PELI2: variants seen among roughly 807,000 people sequenced by gnomAD.
PELI2 encodes the protein pellino E3 ubiquitin protein ligase family member 2.
Under a neutral mutation model 42.3 loss-of-function variants are expected in PELI2, and 23 were observed. That is an observed-to-expected ratio of 0.54 (90% CI 0.39 to 0.77). The LOEUF (loss-of-function observed/expected upper bound fraction) is 0.77. Among genes scored for constraint, PELI2 ranks in the 30% least tolerant of loss-of-function variants. The probability of loss-of-function intolerance (pLI) is 0.00; values close to 1 mark genes in which losing one functional copy is unlikely to be tolerated. For missense variants in PELI2, 463 were observed against 553.2 expected (o/e 0.84, Z 1.64); for synonymous variants, 245 against 212.2 (o/e 1.15, Z -1.34).
rs1890024734 is a variant in PELI2, at chr14:56,296,849, G to A, written c.946G>A (p.Val316Met). 4 of 1,614,020 alleles carry A rather than the reference G, an allele frequency of 2.5e-6. No individual in the cohort carries two copies. The highest frequency in any genetic ancestry group is 1.3e-5 in the African/African-American group (1 of 74,926). Residue 316 changes from valine (V) to methionine (M), a missense_variant, in exon 6 of 6, where the codon GTG (valine) becomes ATG (methionine). Val to Met is a conservative substitution (Grantham distance 21). Transcript: ENST00000267460. ...CTGGGCATATCTCAGTTGTGGCCAC[G>A]TGCACGGGTACCACAACTGGGGCCA... ...QPWAYLSCGH[V>M]HGYHNWGHRS...
At chr14:56,293,606 G>T (rs1187458631) in intron 5 of PELI2, among the ~76,000 whole-genome samples, 1 of 152,158 alleles carries the variant, frequency 6.6e-6, no homozygotes, top group Admixed American at 6.5e-5. Flanking sequence ...TTGCAAACTG[G>T]GGATGTGGCA....
intron 1 of PELI2, among the ~76,000 whole-genome samples, chr14:56,119,398 G>A (rs1446923626): frequency 6.6e-6 from 1 of 150,430 alleles, no homozygotes; most frequent in East Asian, 2.0e-4. Flanking sequence ...TGCTCTGGAG[G>A]GGAGGGACAG....
At chr14:56,151,915 C>T (rs1466466275) in intron 1 of PELI2, among the ~76,000 whole-genome samples, 1 of 152,192 alleles carries the variant, frequency 6.6e-6, no homozygotes, top group Admixed American at 6.5e-5. Context: ...TGTTTCCTTT[C>T]TCATCAAATA....
At position 56,229,927 on chromosome 14, in the gene PELI2, C is replaced by A. The variant is rs577096335; in HGVS notation, c.208-49749C>A. On this transcript the variant is annotated intron_variant, in intron 2 of 5. Coordinates refer to ENST00000267460, the MANE Select transcript of PELI2 (RefSeq NM_021255.3). ...TAAATGACTTGATGGAGCTGAAAACCATGGCACGAGAACTGCGTGATGCAT... is the reference window on the plus strand; with the variant it reads ...TAAATGACTTGATGGAGCTGAAAACAATGGCACGAGAACTGCGTGATGCAT... Among the ~76,000 whole-genome samples the A allele has an allele frequency of 4.6e-5, 7 of 152,294 alleles. No individual in the cohort carries two copies. In the South Asian group the frequency reaches 1.5e-3, roughly 32 times the overall value.
intron 2 of PELI2, among the ~76,000 whole-genome samples, chr14:56,198,759 G>A (rs190727997): frequency 6.6e-6 from 1 of 152,290 alleles, no homozygotes; most frequent in Admixed American, 6.5e-5. Context: ...ATATGCTGAT[G>A]GAGATGACCC....
chr14:56,139,140 G>A (rs1390739614), intron 1 of PELI2, among the ~76,000 whole-genome samples: 1 of 152,136 alleles, frequency 6.6e-6, no homozygotes, highest in Non-Finnish European at 1.5e-5. Context: ...AAATGATAGG[G>A]CATTACATAC....
intron 2 of PELI2, among the ~76,000 whole-genome samples, chr14:56,275,661 TG>T (rs1223740774): frequency 6.6e-6 from 1 of 152,078 alleles, no homozygotes; most frequent in Non-Finnish European, 1.5e-5. Context: ...ATGATAGCAA[TG>T]GGGAGCAGCT....
chr14:56,273,127 G>A lies in PELI2; in HGVS notation c.208-6549G>A, dbSNP rs1035893015. Among the ~76,000 whole-genome samples, 9 of 152,198 alleles carry A rather than the reference G, an allele frequency of 5.9e-5. No individual in the cohort carries two copies. Among genetic ancestry groups the A allele is most frequent in the African/African-American group, 2.2e-4 (9 of 41,456 alleles). On this transcript the variant is annotated intron_variant, in intron 2 of 5. Coordinates refer to ENST00000267460, the MANE Select transcript of PELI2 (RefSeq NM_021255.3). This position sits in a 1 kb window ranked among gnomAD's most constrained non-coding sequence, Gnocchi z 4.3. Reference sequence around the variant, plus strand: ...TCTCTGGTCCACATCTGGGGCAGCTGGAGCTGGAGGATCCACTCTCACAGA... The same window carrying A: ...TCTCTGGTCCACATCTGGGGCAGCTAGAGCTGGAGGATCCACTCTCACAGA...
chr14:56,162,889 T>C (rs1884815366), intron 1 of PELI2, among the ~76,000 whole-genome samples: 1 of 152,196 alleles, frequency 6.6e-6, no homozygotes, highest in South Asian at 2.1e-4. Flanking sequence ...TTGTCATTTG[T>C]ATGTCTTTCT....
intron 1 of PELI2, among the ~76,000 whole-genome samples, chr14:56,122,315 T>G (rs961456092): frequency 6.6e-6 from 1 of 152,182 alleles, no homozygotes; most frequent in African/African-American, 2.4e-5. Flanking sequence ...TGTTTAGCCC[T>G]TATATTTTAT....
intron 3 of PELI2, among the ~76,000 whole-genome samples, chr14:56,287,907 T>C (rs747993075): frequency 1.3e-4 from 20 of 152,368 alleles, no homozygotes; most frequent in Non-Finnish European, 2.5e-4. Context: ...GGGAACTTTA[T>C]GTGCATACAT....
chr14:56,227,694 G>T (rs1887409307), intron 2 of PELI2, among the ~76,000 whole-genome samples: 1 of 152,230 alleles, frequency 6.6e-6, no homozygotes, highest in African/African-American at 2.4e-5. Context: ...CGGACATCCA[G>T]ATCTCGGTTT....
At position 56,166,889 on chromosome 14, in the gene PELI2, G is replaced by A. The variant is rs566069225; in HGVS notation, c.78-11446G>A. Reference sequence around the variant, plus strand: ...TGCAAGCTCCATCTCCTGGGTTCACGCCATTCCCCTGCCTCAGCCTCCTGA... The same window carrying A: ...TGCAAGCTCCATCTCCTGGGTTCACACCATTCCCCTGCCTCAGCCTCCTGA... On this transcript the variant is annotated intron_variant, in intron 1 of 5. Coordinates refer to ENST00000267460, the MANE Select transcript of PELI2 (RefSeq NM_021255.3). Among the ~76,000 whole-genome samples, 4 of 152,178 alleles carry A rather than the reference G, an allele frequency of 2.6e-5. No homozygotes were observed. The South Asian group carries it at 6.2e-4, about 24-fold the overall frequency.
chr14:56,118,732 G>A lies in PELI2; in HGVS notation c.72G>A (p.Val24=). Residue 24 remains valine (V), a synonymous_variant, in exon 1 of 6, where the codon GTG becomes GTA. Transcript: ENST00000267460. ...KEPVKYGELV[V]LGYNGALPNG... The stretch of plus-strand genomic sequence containing the variant: ...CAGTGAAATACGGGGAGCTGGTGGT[G>A]CTCGGGTGAGTCCTGGGGTCCCTGG... The A allele has an allele frequency of 1.3e-6, 2 of 1,524,146 alleles. No homozygotes were observed. The highest frequency in any genetic ancestry group is 1.8e-6 in the Non-Finnish European group (2 of 1,133,898). 94.4% of individuals were successfully genotyped at this position (1,524,146 alleles called of 1,614,324 possible).
chr14:56,213,106 T>A (rs1191054334), intron 2 of PELI2, among the ~76,000 whole-genome samples: 1 of 152,210 alleles, frequency 6.6e-6, no homozygotes, highest in Non-Finnish European at 1.5e-5. Flanking sequence ...TTTAAAATTA[T>A]TCCTAAAACT....
intron 2 of PELI2, among the ~76,000 whole-genome samples, chr14:56,205,029 CAAAA>C (rs35776509): frequency 2.2e-5 from 2 of 91,186 alleles, no homozygotes; most frequent in East Asian, 3.3e-4. Context: ...GACTCCCTGT[CAAAA>C]AAAAAAAAAA....
chr14:56,161,474 C>T (rs1385815478), intron 1 of PELI2, among the ~76,000 whole-genome samples: 1 of 152,098 alleles, frequency 6.6e-6, no homozygotes, highest in African/African-American at 2.4e-5. Context: ...GGAGTTTCAC[C>T]ATGTTGGTCA....
In PELI2 at chr14:56,285,141, A is replaced by G. The variant is rs78455630; in HGVS notation, c.310-3296A>G. On this transcript the variant is annotated intron_variant, in intron 3 of 5. Coordinates refer to ENST00000267460, the MANE Select transcript of PELI2 (RefSeq NM_021255.3). Reference sequence around the variant, plus strand: ...AAAAGAATCTAGGTGGCAAGTATGAAAACAGGGAGACCAGTTTGGAGGCTA... The same window carrying G: ...AAAAGAATCTAGGTGGCAAGTATGAGAACAGGGAGACCAGTTTGGAGGCTA... Among the ~76,000 whole-genome samples, 561 of 152,326 alleles carry G rather than the reference A, an allele frequency of 3.7e-3. 9 individuals carry two copies. Among genetic ancestry groups the G allele is most frequent in the African/African-American group, 0.013 (538 of 41,566 alleles).
At chr14:56,154,803 A>G (rs895572768) in intron 1 of PELI2, among the ~76,000 whole-genome samples, 1 of 152,238 alleles carries the variant, frequency 6.6e-6, no homozygotes, top group African/African-American at 2.4e-5. Context: ...AAGTACGTGA[A>G]TACTTTTATA....
Sources: gnomAD v4.1 joint callset for allele counts (sites outside exome capture counted in the v4.1 genomes callset) on GRCh38, gnomAD v4.1.1 for gene constraint, Gnocchi (gnomAD v3.1) non-coding constraint, MANE v1.5 for transcripts, NCBI Gene and HGNC (gene_info 2026-07-23, HGNC 2026-07-21) for gene names.